Variants in ANKRD12 observed in about 807,000 individuals in gnomAD.
ANKRD12 encodes the protein ankyrin repeat domain-containing protein 12.
In ANKRD12, 85 loss-of-function variants were observed where a neutral mutation model predicts 183.4. The observed-to-expected ratio is 0.46, with a 90% CI of 0.39 to 0.56. The LOEUF (loss-of-function observed/expected upper bound fraction) is 0.56, where lower values mean the gene tolerates loss of function less well. Among genes scored for constraint, ANKRD12 ranks in the 20% least tolerant of loss-of-function variants. The probability of loss-of-function intolerance (pLI) is 0.00; values close to 1 mark genes in which losing one functional copy is unlikely to be tolerated. For synonymous variants in ANKRD12, 914 were observed against 800.2 expected, an observed-to-expected ratio of 1.14 and a Z score of -2.40; for missense variants, 2,405 against 2,357.1, an observed-to-expected ratio of 1.02 and a Z score of -0.42.
intron 1 of ANKRD12, among the ~76,000 whole-genome samples, chr18:9,143,204 T>C (rs1488160362): frequency 1.3e-5 from 2 of 152,146 alleles, no homozygotes; most frequent in East Asian, 3.9e-4. Context: ...AATATCGAGT[T>C]AAGAAAACAC....
chr18:9,189,070 G>A (rs2034289810), intron 2 of ANKRD12, among the ~76,000 whole-genome samples: 1 of 152,106 alleles, frequency 6.6e-6, no homozygotes, highest in African/African-American at 2.4e-5. Context: ...AACCAAGAGA[G>A]GAATGCCAAG....
chr18:9,169,410 T>C (rs927265277), intron 1 of ANKRD12, among the ~76,000 whole-genome samples: 9 of 152,194 alleles, frequency 5.9e-5, no homozygotes, highest in Non-Finnish European at 1.2e-4. Context: ...ATTGGGTGCA[T>C]ATATATTTAG....
Position 9,160,668 on chromosome 18 carries a change from T to A in ANKRD12, c.-51-21714T>A, listed in dbSNP as rs190801235. On this transcript the variant is annotated intron_variant, in intron 1 of 12. Coordinates refer to ENST00000262126, the MANE Select transcript of ANKRD12 (RefSeq NM_015208.5). ...TGAAGCTAGGGATCTGTATCTTTTT[T>A]AAAAAGTATTCTTCTTGCTTCTGGT... Among the ~76,000 whole-genome samples the A allele has an allele frequency of 1.6e-4, 24 of 152,332 alleles. No individual in the cohort carries two copies. In the East Asian group the frequency reaches 2.9e-3, roughly 18 times the overall value.
intron 6 of ANKRD12, among the ~76,000 whole-genome samples, chr18:9,214,856 C>G (rs1474878114): frequency 6.6e-6 from 1 of 152,090 alleles, no homozygotes; most frequent in African/African-American, 2.4e-5. Flanking sequence ...ATTCTTTTAT[C>G]TCATGCAGCT....
At chr18:9,234,838 A>G (rs1018287153) in intron 8 of ANKRD12, among the ~76,000 whole-genome samples, 46 of 152,094 alleles carry the variant, frequency 3.0e-4, no homozygotes, top group Non-Finnish European at 6.6e-4. Context: ...TGGGTAGAGG[A>G]GCTCTCTTGT....
intron 12 of ANKRD12, among the ~76,000 whole-genome samples, chr18:9,280,627 A>G (rs556871642): frequency 2.0e-5 from 3 of 152,214 alleles, no homozygotes; most frequent in East Asian, 3.9e-4. Flanking sequence ...CATCTCTAAG[A>G]AAAATACAAA....
At chr18:9,267,088 C>T (rs2039335534) in intron 10 of ANKRD12, among the ~76,000 whole-genome samples, 1 of 152,060 alleles carries the variant, frequency 6.6e-6, no homozygotes. Context: ...ATATATGCAC[C>T]CAATACAGGA....
intron 11 of ANKRD12, among the ~76,000 whole-genome samples, chr18:9,276,525 GA>G (rs1421940622): frequency 1.3e-5 from 2 of 151,942 alleles, no homozygotes; most frequent in East Asian, 3.9e-4. Flanking sequence ...ACCAGCTTGG[GA>G]AACATGGTGA....
intron 2 of ANKRD12, among the ~76,000 whole-genome samples, chr18:9,186,894 GGT>G (rs2034113605): frequency 6.6e-6 from 1 of 151,816 alleles, no homozygotes; most frequent in Non-Finnish European, 1.5e-5. Context: ...TGGGACTACA[GGT>G]GCCCGCCACC....
intron 1 of ANKRD12, among the ~76,000 whole-genome samples, chr18:9,170,735 C>G (rs1020039391): frequency 1.1e-4 from 16 of 152,106 alleles, no homozygotes; most frequent in Admixed American, 9.2e-4. Context: ...CAGCTTTGTT[C>G]CATTGCTGGT....
rs1356730824 is a variant in ANKRD12, at chr18:9,157,603, A to ATATATATATATGTTT, written c.-52+20639_-52+20640insATATATATATGTTTT. On this transcript the variant is annotated intron_variant, in intron 1 of 12. Transcript: ENST00000262126. ...TGTGTGTGTATATATATATATATGT[A>ATATATATATATGTTT]TTTTTTTTTTTTTTTTTGAGATGGA... Among the ~76,000 whole-genome samples, 19 of 84,624 alleles carry ATATATATATATGTTT rather than the reference A, an allele frequency of 2.2e-4. 1 individual carries two copies. The highest frequency in any genetic ancestry group is 8.0e-4 in the African/African-American group (18 of 22,564). The allele number at this position is 84,624 out of a possible 152,430, so 55.5% of individuals were successfully genotyped here.
chr18:9,182,261 A>C (rs1598477311), intron 1 of ANKRD12, 121 bp from the exon 2 acceptor site: 1 of 323,752 alleles, frequency 3.1e-6, no homozygotes, highest in East Asian at 4.6e-5. Flanking sequence ...TTAGCTTAGG[A>C]TAGCCTCTTT....
chr18:9,156,873 A>G (rs1197936079), intron 1 of ANKRD12, among the ~76,000 whole-genome samples: 1 of 152,274 alleles, frequency 6.6e-6, no homozygotes, highest in Non-Finnish European at 1.5e-5. Flanking sequence ...AAGTGAAATA[A>G]TCTAGTCACA....
At position 9,257,188 on chromosome 18, in the gene ANKRD12, T is replaced by C. The variant is rs761139792; in HGVS notation, c.3921T>C (p.Val1307=). The change falls in exon 9 of 13, where the codon GTT becomes GTC. Residue 1307 remains valine, a synonymous_variant. Transcript: ENST00000262126. ...IISEGRPTIE[V]RRCSMPSVIC... ...GCGAGGGGAGACCTACCATAGAAGT[T>C]CGAAGATGTAGCATGCCTTCTGTCA... 3.2e-5 allele frequency: 51 copies of C among 1,614,020 alleles called. No homozygotes were observed. The highest frequency in any genetic ancestry group is 4.0e-5 in the African/African-American group (3 of 74,918).
chr18:9,173,468 A>G (rs1335391016), intron 1 of ANKRD12, among the ~76,000 whole-genome samples: 1 of 152,084 alleles, frequency 6.6e-6, no homozygotes, highest in Non-Finnish European at 1.5e-5. Context: ...ACTTTTCCAT[A>G]GGGCTGCTGT....
rs569962327 is a variant in ANKRD12, at chr18:9,192,886, G to A, written c.88-2665G>A. 1.2e-4 allele frequency among the ~76,000 whole-genome samples: 18 copies of A among 151,540 alleles called. 1 individual carries two copies. In the South Asian group the frequency reaches 3.7e-3, roughly 32 times the overall value. ...TTTTATGGCGATGAGGTCTCACCAC[G>A]TTGCCCAGGATGGTTTCAAACTCCT... On this transcript the variant is annotated intron_variant, in intron 2 of 12. Transcript: ENST00000262126.
chr18:9,137,559 GC>G (rs1165616366), intron 1 of ANKRD12: 1 of 150,096 alleles, frequency 6.7e-6, no homozygotes, highest in African/African-American at 2.4e-5. Flanking sequence ...CGGGGAGTCT[GC>G]CGCGGCCGCT....
chr18:9,247,449 A>T (rs1213969735), intron 8 of ANKRD12, among the ~76,000 whole-genome samples: 4 of 152,178 alleles, frequency 2.6e-5, no homozygotes, highest in Admixed American at 2.6e-4. Context: ...ACTGCACTCC[A>T]GCCTGGGCAA....
At chr18:9,202,678 A>G (rs2035245571) in intron 3 of ANKRD12, among the ~76,000 whole-genome samples, 1 of 152,302 alleles carries the variant, frequency 6.6e-6, no homozygotes, top group Non-Finnish European at 1.5e-5. Flanking sequence ...TCTGCTTAGC[A>G]CTCAGTGTTT....
Sources: gnomAD v4.1 joint callset for allele counts (sites outside exome capture counted in the v4.1 genomes callset) on GRCh38, gnomAD v4.1.1 for gene constraint, MANE v1.5 for transcripts, NCBI Gene and HGNC (gene_info 2026-07-23, HGNC 2026-07-21) for gene names.